The following AGBL4 variants were observed in gnomAD, a reference collection of about 807,000 sequenced individuals.
The protein encoded by AGBL4 is cytosolic carboxypeptidase 6.
A neutral mutation model predicts 66.4 loss-of-function variants in AGBL4; 58 were observed. The ratio of observed to expected loss-of-function variants is 0.87; its 90% CI spans 0.71 to 1.09. The LOEUF (loss-of-function observed/expected upper bound fraction) is 1.09, where lower values mean the gene tolerates loss of function less well. AGBL4 is among the 50% of genes least tolerant of loss of function. The probability of loss-of-function intolerance (pLI) is 0.00; values close to 1 mark genes in which losing one functional copy is unlikely to be tolerated. For synonymous variants in AGBL4, 234 were observed against 222.9 expected (o/e 1.05, Z -0.44); for missense variants, 579 against 631.0 (o/e 0.92, Z 0.88).
At chr1:49,522,316 T>G (rs1291483404) in intron 3 of AGBL4, among the ~76,000 whole-genome samples, 2 of 152,142 alleles carry the variant, frequency 1.3e-5, no homozygotes. Flanking sequence ...TCTCTGATCC[T>G]CTGTATTACC....
chr1:48,989,869 T>C (rs1009701994), intron 5 of AGBL4, among the ~76,000 whole-genome samples: 1 of 152,238 alleles, frequency 6.6e-6, no homozygotes, highest in Non-Finnish European at 1.5e-5. Context: ...GTCTTCGATA[T>C]ACTGATTTCC....
intron 2 of AGBL4, among the ~76,000 whole-genome samples, chr1:49,712,284 AT>A (rs886401430): frequency 6.6e-6 from 1 of 151,890 alleles, no homozygotes; most frequent in Non-Finnish European, 1.5e-5. Context: ...ATACCCCATA[AT>A]TTTGTTAACT....
intron 3 of AGBL4, among the ~76,000 whole-genome samples, chr1:49,603,938 AC>A (rs1645015620): frequency 3.4e-5 from 1 of 29,710 alleles, no homozygotes; most frequent in African/African-American, 1.9e-4. Context: ...ATACACACAC[AC>A]ACACACACAC....
intron 6 of AGBL4, among the ~76,000 whole-genome samples, chr1:48,687,446 C>G (rs560340143): frequency 8.5e-5 from 13 of 152,190 alleles, no homozygotes; most frequent in Non-Finnish European, 1.8e-4. Context: ...GCGGCACCCC[C>G]ACAGGCTGAC....
At chr1:48,782,496 T>G (rs1425743544) in intron 6 of AGBL4, among the ~76,000 whole-genome samples, 2 of 152,204 alleles carry the variant, frequency 1.3e-5, no homozygotes, top group Admixed American at 6.5e-5. Flanking sequence ...AATTGGAGCG[T>G]GCCTTTTCAA....
the AGBL4 span, among the ~76,000 whole-genome samples, chr1:48,527,257 G>C: frequency 6.6e-6 from 1 of 152,010 alleles, no homozygotes; most frequent in African/African-American, 2.4e-5. Flanking sequence ...TGCCCCCAAA[G>C]ACATTAAATG....
intron 6 of AGBL4, chr1:48,817,573 C>T (rs2148765884): frequency 6.3e-6 from 1 of 158,356 alleles, no homozygotes; most frequent in South Asian, 2.0e-4. Context: ...CTGTGGGTAT[C>T]TGGACCCCTG....
At chr1:48,686,403 C>T (rs12060153) in intron 6 of AGBL4, among the ~76,000 whole-genome samples, 20,220 of 152,208 alleles carry the variant, frequency 0.13, 4,342 homozygotes, top group African/African-American at 0.45. Context: ...TGGCACATAG[C>T]AGCAGGTAAG....
At chr1:48,870,255 G>C (rs1158140353) in intron 5 of AGBL4, among the ~76,000 whole-genome samples, 1 of 151,916 alleles carries the variant, frequency 6.6e-6, no homozygotes, top group African/African-American at 2.4e-5. Context: ...GAAAGACAAT[G>C]AAGACAGTAT....
chr1:49,240,376 T>C (rs970335936), intron 4 of AGBL4, among the ~76,000 whole-genome samples: 1 of 152,076 alleles, frequency 6.6e-6, no homozygotes, highest in African/African-American at 2.4e-5. Flanking sequence ...CCACATGACC[T>C]GGCTTGAACT....
intron 6 of AGBL4, among the ~76,000 whole-genome samples, chr1:48,722,379 A>G (rs1390972190): frequency 1.3e-5 from 2 of 152,176 alleles, no homozygotes; most frequent in Admixed American, 1.3e-4. Flanking sequence ...AAGAACAAAA[A>G]GATTTCACAT....
At position 49,875,960 on chromosome 1, in the gene AGBL4, G is replaced by A. The variant is rs1346450165; in HGVS notation, c.35-24442C>T. On this transcript the variant is annotated intron_variant, in intron 1 of 13. Coordinates refer to ENST00000371839, the MANE Select transcript of AGBL4 (RefSeq NM_032785.4). Reference sequence around the variant, plus strand: ...TTTGGCTGCATAAATGTCTTCTTTTGAGAAGTGTCTGTTCATGTCCCTCGC... The same window carrying A: ...TTTGGCTGCATAAATGTCTTCTTTTAAGAAGTGTCTGTTCATGTCCCTCGC... Among the ~76,000 whole-genome samples, 11 of 146,182 alleles carry A rather than the reference G, an allele frequency of 7.5e-5. No homozygotes were observed. In the Admixed American group the frequency reaches 7.6e-4, roughly 10 times the overall value.
intron 1 of AGBL4, among the ~76,000 whole-genome samples, chr1:50,023,535 T>G (rs1374447794): frequency 6.6e-6 from 1 of 152,046 alleles, no homozygotes; most frequent in African/African-American, 2.4e-5. Context: ...CTGTCAGAAG[T>G]GTGCACACTA....
At chr1:49,827,001 G>T (rs556212542) in intron 2 of AGBL4, among the ~76,000 whole-genome samples, 2 of 152,232 alleles carry the variant, frequency 1.3e-5, no homozygotes, top group South Asian at 4.1e-4. Context: ...ACCAAACAAA[G>T]AGAGTATCAT....
chr1:49,693,741 G>A (rs1180307286), intron 3 of AGBL4, among the ~76,000 whole-genome samples: 1 of 151,960 alleles, frequency 6.6e-6, no homozygotes, highest in African/African-American at 2.4e-5. Context: ...AAGAAATAGA[G>A]CTTAATCAAT....
intron 1 of AGBL4, among the ~76,000 whole-genome samples, chr1:49,977,762 T>C (rs1440151821): frequency 6.6e-6 from 1 of 152,250 alleles, no homozygotes; most frequent in Non-Finnish European, 1.5e-5. Context: ...CTTCAGCCTG[T>C]CTATCCATCC....
intron 5 of AGBL4, among the ~76,000 whole-genome samples, chr1:49,043,501 G>T (rs748643804): frequency 6.6e-6 from 1 of 151,938 alleles, no homozygotes; most frequent in Admixed American, 6.6e-5. Flanking sequence ...TATTCCCTTT[G>T]AGCTGTTATT....
At chr1:48,954,713 C>A (rs887265426) in intron 5 of AGBL4, among the ~76,000 whole-genome samples, 3 of 152,126 alleles carry the variant, frequency 2.0e-5, no homozygotes, top group African/African-American at 4.8e-5. Flanking sequence ...CCTCAATGTC[C>A]CTCTGATCCC....
intron 5 of AGBL4, among the ~76,000 whole-genome samples, chr1:48,952,299 A>G (rs2148929006): frequency 6.6e-6 from 1 of 152,336 alleles, no homozygotes; most frequent in South Asian, 2.1e-4. Flanking sequence ...GCTTGGGCAA[A>G]AAGGCTTTAC....
Sources: gnomAD v4.1 joint callset for allele counts (sites outside exome capture counted in the v4.1 genomes callset) on GRCh38, gnomAD v4.1.1 for gene constraint, MANE v1.5 for transcripts, NCBI Gene and HGNC (gene_info 2026-07-23, HGNC 2026-07-21) for gene names.